Variants in RABGEF1 observed in about 807,000 individuals in gnomAD.
RABGEF1 encodes rab5 GDP/GTP exchange factor.
Under a neutral mutation model 57.3 loss-of-function variants are expected in RABGEF1, and 26 were observed. That is an observed-to-expected ratio of 0.45 (90% confidence interval 0.33 to 0.63). The LOEUF is 0.63. Among genes scored for constraint, RABGEF1 ranks in the 20% least tolerant of loss-of-function variants. The pLI is 0.02. For synonymous variants in RABGEF1, 185 were observed against 210.7 expected (o/e 0.88, Z 1.06); for missense variants, 464 against 607.6 (o/e 0.76, Z 2.48).
chr7:66,793,478 A>G lies in RABGEF1; in HGVS notation c.514-2033A>G, dbSNP rs575671523. ...CAAATTTGGGATTTTTGAGCATTTC[A>G]GATTTTTTATTTTTGGGTTAGGAAT... On this transcript the variant is annotated intron_variant, in intron 4 of 8. Transcript: ENST00000284957. Among the ~76,000 whole-genome samples, 328 of 152,286 alleles carry G rather than the reference A, an allele frequency of 2.2e-3. 1 individual carries two copies. The highest frequency in any genetic ancestry group is 7.5e-3 in the African/African-American group (311 of 41,566).
intron 2 of RABGEF1, among the ~76,000 whole-genome samples, chr7:66,720,191 ATTAT>A (rs1419359869): frequency 4.4e-4 from 35 of 79,862 alleles, no homozygotes; most frequent in East Asian, 1.2e-3. Context: ...TATTATTATT[ATTAT>A]TTTTTTTTTT....
chr7:66,805,044 A>T, intron 7 of RABGEF1, 96 bp from the exon 8 acceptor site: 1 of 1,327,622 alleles, frequency 7.5e-7, no homozygotes, highest in Non-Finnish European at 1.0e-6. Context: ...GTTAATAAGG[A>T]TTCCTTCATA....
intron 4 of RABGEF1, among the ~76,000 whole-genome samples, chr7:66,791,216 C>T (rs1183148806): frequency 1.3e-5 from 2 of 152,174 alleles, no homozygotes; most frequent in Admixed American, 6.6e-5. Context: ...TGTATCTTAA[C>T]GGTTCCCATC....
intron 1 of RABGEF1, among the ~76,000 whole-genome samples, chr7:66,691,647 G>A (rs992457321): frequency 2.0e-5 from 3 of 152,102 alleles, no homozygotes; most frequent in Non-Finnish European, 4.4e-5. Context: ...AATTTCAGTA[G>A]CGTATCCAAT....
intron 4 of RABGEF1, among the ~76,000 whole-genome samples, chr7:66,784,654 G>T (rs943055120): frequency 2.0e-5 from 3 of 152,106 alleles, no homozygotes; most frequent in African/African-American, 7.2e-5. Context: ...TTCTAGCTGG[G>T]GTCAGCAATC....
At chr7:66,654,843 C>T in the RABGEF1 span, among the ~76,000 whole-genome samples, 1 of 152,262 alleles carries the variant, frequency 6.6e-6, no homozygotes. Context: ...CTCCCTTAAT[C>T]CTCACAGTGC....
chr7:66,806,192 A>T (rs1301302662), intron 8 of RABGEF1, among the ~76,000 whole-genome samples: 1 of 152,148 alleles, frequency 6.6e-6, no homozygotes, highest in African/African-American at 2.4e-5. Context: ...GGGGAGGGGA[A>T]GCCAGGATGC....
rs181720483 is a variant in RABGEF1, at chr7:66,692,421, G to C, written c.-873+10163G>C. Reference sequence around the variant, plus strand: ...AGAAGAACCTCAGCGAGTGCATTGAGTGATATTGGTGTGAGGTGGGGGCAG... The same window carrying C: ...AGAAGAACCTCAGCGAGTGCATTGACTGATATTGGTGTGAGGTGGGGGCAG... On this transcript the variant is annotated intron_variant and NMD_transcript_variant, in intron 1 of 9. Coordinates refer to the RABGEF1 transcript ENST00000607882. 1.4e-3 allele frequency among the ~76,000 whole-genome samples: 217 copies of C among 152,328 alleles called. 2 individuals are homozygous for C. Among genetic ancestry groups the C allele is most frequent in the Admixed American group, 4.0e-3 (61 of 15,296 alleles).
At chr7:66,675,611 A>G in the RABGEF1 span, among the ~76,000 whole-genome samples, 2 of 152,168 alleles carry the variant, frequency 1.3e-5, no homozygotes, top group African/African-American at 2.4e-5. Flanking sequence ...GACAAATTTA[A>G]AAGATTCAGA....
intron 1 of RABGEF1, among the ~76,000 whole-genome samples, chr7:66,752,196 A>T (rs79972915): frequency 0.047 from 5,564 of 119,000 alleles, 161 homozygotes; most frequent in East Asian, 0.11. Context: ...TGTCCCAATT[A>T]AAAAAAAAAA....
chr7:66,799,411 A>G lies in RABGEF1; in HGVS notation c.817A>G (p.Thr273Ala). The G allele has an allele frequency of 6.3e-7, 1 of 1,599,472 alleles. No homozygotes were observed. Among genetic ancestry groups the G allele is most frequent in the Non-Finnish European group, 8.6e-7 (1 of 1,166,738 alleles). The change falls in exon 7 of 9, where the codon ACA (threonine) becomes GCA (alanine). Residue 273 changes from threonine to alanine, a missense_variant. Thr to Ala is a moderately conservative substitution (Grantham distance 58). Transcript: ENST00000284957. Reference protein sequence around the residue: ...EVSDMVVKAITDIIEMDSKRV... With the variant: ...EVSDMVVKAIADIIEMDSKRV... ...GTCTGATATGGTGGTGAAGGCGATCACAGGTCAGTGAAACCAAGAGCCTTT... is the reference window on the plus strand; with the variant it reads ...GTCTGATATGGTGGTGAAGGCGATCGCAGGTCAGTGAAACCAAGAGCCTTT...
At chr7:66,657,207 G>A in the RABGEF1 span, among the ~76,000 whole-genome samples, 3 of 152,178 alleles carry the variant, frequency 2.0e-5, no homozygotes, top group Non-Finnish European at 4.4e-5. Context: ...TTTCAAGAGC[G>A]TGTGGGATAT....
At chr7:66,723,270 C>G (rs1796245373) in intron 2 of RABGEF1, among the ~76,000 whole-genome samples, 1 of 152,000 alleles carries the variant, frequency 6.6e-6, no homozygotes, top group African/African-American at 2.4e-5. Context: ...CACTGGGTCT[C>G]CTACCTTCCT....
intron 1 of RABGEF1, among the ~76,000 whole-genome samples, chr7:66,696,416 G>C (rs771098706): frequency 6.6e-6 from 1 of 152,054 alleles, no homozygotes; most frequent in East Asian, 1.9e-4. Flanking sequence ...GGGGCTGGGC[G>C]TGGTGGCTCA....
intron 1 of RABGEF1, among the ~76,000 whole-genome samples, chr7:66,757,436 ATC>A (rs1476187318): frequency 6.6e-6 from 1 of 152,220 alleles, no homozygotes; most frequent in East Asian, 1.9e-4. Context: ...ACATAGTCAT[ATC>A]TCTCATATTA....
rs553331213 is a variant in RABGEF1 at position 66,776,204 on chromosome 7, C to T, written c.346+811C>T. Among the ~76,000 whole-genome samples the T allele has an allele frequency of 1.4e-4, 21 of 152,270 alleles. 1 individual carries two copies. The highest frequency in any genetic ancestry group is 5.1e-4 in the African/African-American group (21 of 41,530). On this transcript the variant is annotated intron_variant, in intron 3 of 8. Coordinates refer to ENST00000284957, the MANE Select transcript of RABGEF1 (RefSeq NM_014504.3). ...GTCAGAAGACCTGTTCTCTGGGAGC[C>T]CCCTCACTTGCTCCCCAGTTCCTAC... is the stretch of plus-strand genomic sequence containing the variant.
chr7:66,753,898 G>T (rs1168004511), intron 1 of RABGEF1, among the ~76,000 whole-genome samples: 1 of 150,814 alleles, frequency 6.6e-6, no homozygotes, highest in African/African-American at 2.4e-5. Context: ...GTAGAGATGG[G>T]GTTTTACTGT....
chr7:66,687,838 C>T (rs949060015), intron 1 of RABGEF1, among the ~76,000 whole-genome samples: 2 of 152,168 alleles, frequency 1.3e-5, no homozygotes, highest in Admixed American at 1.3e-4. Context: ...GTAATCCCAG[C>T]ACTCTGGGAG....
chr7:66,700,462 AAGGGACTGAGGGCCAAGCGGGCCCCGG>A lies in RABGEF1; in HGVS notation c.-872-11700_-872-11674del, dbSNP rs1376577964. Among the ~76,000 whole-genome samples the A allele has an allele frequency of 5.6e-5, 6 of 108,024 alleles. No homozygotes were observed. The East Asian group carries it at 2.1e-3, about 38-fold the overall frequency. 70.9% of individuals were successfully genotyped at this position (108,024 alleles called of 152,430 possible). A position where few individuals can be genotyped will look rare whatever the true frequency, so the allele number is the denominator to read the frequency against. On this transcript the variant is annotated intron_variant and NMD_transcript_variant, in intron 1 of 9. Transcript: ENST00000607882. The stretch of plus-strand genomic sequence containing the variant: ...GGCCACAGCCCCAGGACCTGGAGCC[AAGGGACTGAGGGCCAAGCGGGCCCCGG>A]AGGGGGAGGTAGGGGAGGGGAAAGG...
Sources: allele counts gnomAD v4.1 joint callset (sites outside exome capture counted in the v4.1 genomes callset), GRCh38; gene constraint gnomAD v4.1.1; transcripts MANE v1.5; gene names NCBI Gene and HGNC (gene_info 2026-07-23, HGNC 2026-07-21).